Variants in MYO6 observed in about 807,000 individuals in gnomAD.
The protein encoded by MYO6 is unconventional myosin-VI.
In MYO6, 74 loss-of-function variants were observed where a neutral mutation model predicts 178.7. That is an observed-to-expected ratio of 0.41 (90% confidence interval 0.34 to 0.50). The LOEUF (loss-of-function observed/expected upper bound fraction) is 0.50, where lower values mean the gene tolerates loss of function less well. Ranked by LOEUF, MYO6 falls within the 20% of genes least tolerant of loss-of-function variation. MYO6 has a pLI of 0.09. For synonymous variants in MYO6, 477 were observed against 504.6 expected (o/e 0.95, Z 0.73); for missense variants, 1,330 against 1,547.4 (o/e 0.86, Z 2.36).
chr6:75,867,121 A>T lies in MYO6; in HGVS notation c.1944+16A>T, dbSNP rs1461949238. 6.4e-7 allele frequency: 1 copy of T among 1,571,388 alleles called. No homozygotes were observed. The highest frequency in any genetic ancestry group is 1.2e-5 in the South Asian group (1 of 83,118). On this transcript the variant is annotated intron_variant, in intron 18 of 34. Coordinates refer to ENST00000369977, the MANE Select transcript of MYO6 (RefSeq NM_004999.4). Reference sequence around the variant, plus strand: ...CAAGTTTAAGGTATTTGTGTTATTTAATTTTTTTTTTACTATATTTAAAAT... The same window carrying T: ...CAAGTTTAAGGTATTTGTGTTATTTTATTTTTTTTTTACTATATTTAAAAT...
chr6:75,890,943 T>A lies in MYO6; in HGVS notation c.2868-285T>A, dbSNP rs574746975. Among the ~76,000 whole-genome samples, 3 of 152,314 alleles carry A rather than the reference T, an allele frequency of 2.0e-5. No individual in the cohort carries two copies. In the East Asian group the frequency reaches 5.8e-4, roughly 29 times the overall value. ...ATGAGTTGTTGACTTGGAGAGGGAC[T>A]AGAGGGAAGCACCTTTAATCAGGAC... On this transcript the variant is annotated intron_variant, in intron 26 of 34. Transcript: ENST00000369977.
At chr6:75,763,495 A>G (rs1778130487) in intron 1 of MYO6, among the ~76,000 whole-genome samples, 1 of 152,228 alleles carries the variant, frequency 6.6e-6, no homozygotes, top group African/African-American at 2.4e-5. Context: ...AGCTAAATAC[A>G]TATTTGATAT....
At chr6:75,773,134 A>G (rs921484589) in intron 1 of MYO6, among the ~76,000 whole-genome samples, 2 of 152,226 alleles carry the variant, frequency 1.3e-5, no homozygotes, top group Admixed American at 6.5e-5. Flanking sequence ...AGAATGAAAC[A>G]GATTCTTCCC....
At chr6:75,894,804 A>T in intron 28 of MYO6, 1 of 1,516,964 alleles carries the variant, frequency 6.6e-7, no homozygotes, top group Non-Finnish European at 8.9e-7. Flanking sequence ...ATTTTAAGTT[A>T]CTTTTCCAGC....
At chr6:75,872,785 GT>G (rs201325735) in intron 19 of MYO6, among the ~76,000 whole-genome samples, 129 of 145,238 alleles carry the variant, frequency 8.9e-4, no homozygotes, top group Admixed American at 1.0e-3. Flanking sequence ...AAAATTTTGA[GT>G]TTTTTTTTTT....
intron 33 of MYO6, among the ~76,000 whole-genome samples, chr6:75,912,855 A>T (rs1780863805): frequency 1.3e-5 from 2 of 152,252 alleles, no homozygotes; most frequent in Non-Finnish European, 1.5e-5. Flanking sequence ...TTACTAACAA[A>T]ACCGGGCCTC....
At chr6:75,850,368 G>A (rs190598467) in intron 11 of MYO6, among the ~76,000 whole-genome samples, 57 of 152,294 alleles carry the variant, frequency 3.7e-4, no homozygotes. Context: ...TAAATATAAT[G>A]AGGTAGGGGA....
chr6:75,826,258 C>T (rs1037516469), intron 3 of MYO6, among the ~76,000 whole-genome samples: 3 of 152,116 alleles, frequency 2.0e-5, no homozygotes, highest in African/African-American at 7.2e-5. Flanking sequence ...AATGGAATGG[C>T]CTGTGTGGCA....
intron 18 of MYO6, chr6:75,867,425 A>T (rs1304291392): frequency 3.9e-6 from 1 of 256,088 alleles, no homozygotes; most frequent in Non-Finnish European, 7.5e-6. Context: ...TTCCTTCCTC[A>T]TTCAGCGGTT....
intron 12 of MYO6, 60 bp from the exon 13 acceptor site, chr6:75,857,037 G>C: frequency 6.5e-7 from 1 of 1,531,406 alleles, no homozygotes; most frequent in Non-Finnish European, 9.0e-7. Flanking sequence ...GGTGCACTCT[G>C]TGGCATTTTC....
At chr6:75,900,268 G>A (rs1473074034) in intron 30 of MYO6, among the ~76,000 whole-genome samples, 1 of 152,078 alleles carries the variant, frequency 6.6e-6, no homozygotes, top group Non-Finnish European at 1.5e-5. Flanking sequence ...GGATGGCTGG[G>A]TCAAATGGTA....
intron 1 of MYO6, among the ~76,000 whole-genome samples, chr6:75,801,861 A>G (rs369179281): frequency 2.0e-5 from 3 of 152,102 alleles, no homozygotes; most frequent in East Asian, 3.9e-4. Context: ...GAATCACTTG[A>G]ACCTGGAAGG....
chr6:75,881,346 A>G (rs1414697569), intron 22 of MYO6, among the ~76,000 whole-genome samples: 1 of 152,100 alleles, frequency 6.6e-6, no homozygotes, highest in Admixed American at 6.6e-5. Flanking sequence ...GGGTGAGCCA[A>G]TTCAGAGATA....
chr6:75,911,223 G>C (rs1780732981), intron 32 of MYO6, among the ~76,000 whole-genome samples: 1 of 151,712 alleles, frequency 6.6e-6, no homozygotes, highest in South Asian at 2.1e-4. Context: ...AAGATTTAGA[G>C]AGTTTAAAAA....
intron 32 of MYO6, among the ~76,000 whole-genome samples, chr6:75,910,286 C>T (rs1780667079): frequency 6.6e-6 from 1 of 152,124 alleles, no homozygotes; most frequent in East Asian, 1.9e-4. Context: ...GACAGACTTT[C>T]ATTATATTGT....
intron 9 of MYO6, among the ~76,000 whole-genome samples, chr6:75,844,236 CT>C (rs1414700315): frequency 6.6e-6 from 1 of 151,980 alleles, no homozygotes; most frequent in African/African-American, 2.4e-5. Context: ...AGTAGATTTT[CT>C]TTTTTTGAAC....
chr6:75,841,523 T>TAAA, intron 9 of MYO6, 145 bp downstream of exon 9: 6 of 548,754 alleles, frequency 1.1e-5, no homozygotes, highest in Non-Finnish European at 1.5e-5. Context: ...ACCCTGTCTC[T>TAAA]AAAAAAAAAA....
At chr6:75,831,014 G>T (rs1254425015) in intron 5 of MYO6, among the ~76,000 whole-genome samples, 1 of 152,140 alleles carries the variant, frequency 6.6e-6, no homozygotes, top group Non-Finnish European at 1.5e-5. Context: ...TGCATCAGGG[G>T]TTTATAAAAT....
At chr6:75,812,713 T>C (rs72654775) in intron 1 of MYO6, among the ~76,000 whole-genome samples, 5,626 of 152,174 alleles carry the variant, frequency 0.037, 227 homozygotes, top group East Asian at 0.15. Context: ...TTTCCTTTCT[T>C]TGTCTGATGT....
Sources: gnomAD v4.1 joint callset for allele counts (sites outside exome capture counted in the v4.1 genomes callset) on GRCh38, gnomAD v4.1.1 for gene constraint, MANE v1.5 for transcripts, NCBI Gene and HGNC (gene_info 2026-07-23, HGNC 2026-07-21) for gene names.